RALYL: variants seen among roughly 807,000 people sequenced by gnomAD.
RALYL encodes the protein RNA-binding Raly-like protein.
Under a neutral mutation model 35.1 loss-of-function variants are expected in RALYL, and 29 were observed. That is an observed-to-expected ratio of 0.83 (90% CI 0.61 to 1.13). The LOEUF (loss-of-function observed/expected upper bound fraction) is 1.13. RALYL is among the 50% of genes most tolerant of loss of function. The pLI is 0.00. For missense variants in RALYL, 359 were observed against 360.4 expected (o/e 1.00, Z 0.03); for synonymous variants, 120 against 127.6 (o/e 0.94, Z 0.40).
At chr8:84,272,895 A>T (rs1014082958) in intron 1 of RALYL, among the ~76,000 whole-genome samples, 24 of 152,192 alleles carry the variant, frequency 1.6e-4, no homozygotes, top group African/African-American at 4.8e-4. Flanking sequence ...TCCATGTCTA[A>T]CCATCCCCCT....
intron 2 of RALYL, among the ~76,000 whole-genome samples, chr8:84,671,878 C>A (rs1833329949): frequency 6.6e-6 from 1 of 152,192 alleles, no homozygotes; most frequent in Non-Finnish European, 1.5e-5. Context: ...CATTACTATG[C>A]AAATTTATGC....
chr8:84,404,790 C>T (rs2132047212), intron 1 of RALYL, among the ~76,000 whole-genome samples: 1 of 152,246 alleles, frequency 6.6e-6, no homozygotes, highest in African/African-American at 2.4e-5. Flanking sequence ...AGCTGTGAAT[C>T]TGTCTGGTCC....
At chr8:84,801,627 A>G (rs189329739) in intron 3 of RALYL, among the ~76,000 whole-genome samples, 180 of 152,324 alleles carry the variant, frequency 1.2e-3, no homozygotes, top group African/African-American at 4.0e-3. Flanking sequence ...CATGCATGGG[A>G]AAAAACAGTA....
At chr8:84,540,268 G>A (rs892647905) in intron 2 of RALYL, among the ~76,000 whole-genome samples, 2 of 151,096 alleles carry the variant, frequency 1.3e-5, no homozygotes, top group African/African-American at 2.4e-5. Context: ...GTCTCATTAC[G>A]TGAGAAACCT....
chr8:84,405,823 C>CTTTTTT (rs776007226), intron 1 of RALYL, among the ~76,000 whole-genome samples: 38 of 118,154 alleles, frequency 3.2e-4, no homozygotes, highest in African/African-American at 8.6e-4. Context: ...TATTTTCATT[C>CTTTTTT]TTTTTTTTTT....
chr8:84,824,568 T>C (rs1829241614), intron 4 of RALYL, among the ~76,000 whole-genome samples: 2 of 151,748 alleles, frequency 1.3e-5, no homozygotes, highest in Non-Finnish European at 2.9e-5. Flanking sequence ...CAATCCTAAG[T>C]AAAAAGAACA....
chr8:84,237,864 T>C (rs1270615740), intron 1 of RALYL, among the ~76,000 whole-genome samples: 1 of 151,990 alleles, frequency 6.6e-6, no homozygotes, highest in Non-Finnish European at 1.5e-5. Flanking sequence ...CTGAAGGATG[T>C]GGCATAAGAG....
intron 2 of RALYL, among the ~76,000 whole-genome samples, chr8:84,735,366 C>T (rs896065478): frequency 1.3e-5 from 2 of 151,962 alleles, no homozygotes; most frequent in Non-Finnish European, 2.9e-5. Flanking sequence ...GGTTAAAAAA[C>T]AAAGCAACTT....
Position 84,735,845 on chromosome 8 carries a change from AGAG to A in RALYL, c.257-38733_257-38731del, listed in dbSNP as rs1311437765. Among the ~76,000 whole-genome samples, 3 of 150,616 alleles carry A rather than the reference AGAG, an allele frequency of 2.0e-5. No homozygotes were observed. In the East Asian group the frequency reaches 5.8e-4, roughly 29 times the overall value. ...GAGAGAGAGAGAGAGAGAGAGAGAGAGAGAACGAGAACACACAGGTCCAGAGAT... is the reference window on the plus strand; with the variant it reads ...GAGAGAGAGAGAGAGAGAGAGAGAGAAACGAGAACACACAGGTCCAGAGAT... On this transcript the variant is annotated intron_variant, in intron 2 of 8. Coordinates refer to ENST00000521268, the MANE Select transcript of RALYL (RefSeq NM_173848.7).
chr8:84,575,542 A>C (rs766805216), intron 2 of RALYL, among the ~76,000 whole-genome samples: 1 of 152,208 alleles, frequency 6.6e-6, no homozygotes, highest in Non-Finnish European at 1.5e-5. Flanking sequence ...AGTTTAGTCA[A>C]TAAAAGATCA....
chr8:84,288,106 A>G (rs1192354572), intron 1 of RALYL, among the ~76,000 whole-genome samples: 1 of 152,200 alleles, frequency 6.6e-6, no homozygotes, highest in Non-Finnish European at 1.5e-5. Flanking sequence ...AGAGCTGAGC[A>G]TCGGAGGACT....
At chr8:84,640,265 T>C (rs1466777335) in intron 2 of RALYL, among the ~76,000 whole-genome samples, 3 of 152,028 alleles carry the variant, frequency 2.0e-5, no homozygotes, top group African/African-American at 7.2e-5. Context: ...ATATCAGTTT[T>C]TTAAGGAATT....
chr8:84,451,370 A>G (rs887373574), intron 1 of RALYL, among the ~76,000 whole-genome samples: 1 of 152,016 alleles, frequency 6.6e-6, no homozygotes, highest in Non-Finnish European at 1.5e-5. Flanking sequence ...CTGATATAGT[A>G]TGCTCCCCAA....
At chr8:84,442,299 G>T (rs916481419) in intron 1 of RALYL, among the ~76,000 whole-genome samples, 4 of 152,036 alleles carry the variant, frequency 2.6e-5, no homozygotes, top group Non-Finnish European at 5.9e-5. Context: ...GGCTGTTCAG[G>T]TTTTAAATTA....
intron 7 of RALYL, among the ~76,000 whole-genome samples, chr8:84,879,688 G>A (rs950935122): frequency 2.0e-5 from 3 of 152,004 alleles, no homozygotes; most frequent in Non-Finnish European, 4.4e-5. Flanking sequence ...GGAACAAAAC[G>A]CTGCTGTTTT....
chr8:84,264,864 A>C (rs1832991456), intron 1 of RALYL, among the ~76,000 whole-genome samples: 1 of 152,340 alleles, frequency 6.6e-6, no homozygotes, highest in Admixed American at 6.5e-5. Flanking sequence ...TATTGAATGA[A>C]TTGATTTACA....
intron 7 of RALYL, among the ~76,000 whole-genome samples, chr8:84,883,947 A>G (rs1328921577): frequency 1.3e-5 from 2 of 152,044 alleles, no homozygotes; most frequent in Non-Finnish European, 2.9e-5. Context: ...GCACACAGCA[A>G]CTCTGAAATA....
At chr8:84,235,969 G>T (rs748218978) in intron 1 of RALYL, among the ~76,000 whole-genome samples, 10 of 151,890 alleles carry the variant, frequency 6.6e-5, no homozygotes, top group Non-Finnish European at 1.0e-4. Context: ...GTTTCACCAT[G>T]TTGGCCAGGA....
At chr8:84,734,125 A>C (rs1478690502) in intron 2 of RALYL, among the ~76,000 whole-genome samples, 1 of 152,162 alleles carries the variant, frequency 6.6e-6, no homozygotes, top group African/African-American at 2.4e-5. Context: ...TGCATAGTCT[A>C]TTTGAATCAG....
Sources: allele counts gnomAD v4.1 joint callset (sites outside exome capture counted in the v4.1 genomes callset), GRCh38; gene constraint gnomAD v4.1.1; transcripts MANE v1.5; gene names NCBI Gene and HGNC (gene_info 2026-07-23, HGNC 2026-07-21).